The following ALDH1L2 variants were observed in gnomAD, a reference collection of about 807,000 sequenced individuals.
ALDH1L2 encodes the protein mitochondrial 10-formyltetrahydrofolate dehydrogenase.
In ALDH1L2, 91 loss-of-function variants were observed where a neutral mutation model predicts 111.0. That is an observed-to-expected ratio of 0.82 (90% CI 0.69 to 0.98). The LOEUF is 0.98. Ranked by LOEUF, ALDH1L2 falls within the 50% of genes least tolerant of loss-of-function variation. The pLI is 0.00. For missense variants in ALDH1L2, 995 were observed against 1,126.8 expected (o/e 0.88, Z 1.67); for synonymous variants, 374 against 392.6 (o/e 0.95, Z 0.56).
Position 105,038,301 on chromosome 12 carries a change from C to A in ALDH1L2, c.2046-99G>T, listed in dbSNP as rs911255857. On this transcript the variant is annotated intron_variant, in intron 17 of 22. Transcript: ENST00000258494. ...ACAAACACACACACACACACACACA[C>A]ACACACACACACACACACACACTTT... is the stretch of plus-strand genomic sequence containing the variant. 2.5e-4 allele frequency: 161 copies of A among 651,462 alleles called. 1 individual carries two copies. The highest frequency in any genetic ancestry group is 8.2e-4 in the Middle Eastern group (3 of 3,644). The allele number at this position is 651,462 out of a possible 1,614,324, so 40.4% of individuals were successfully genotyped here.
intron 17 of ALDH1L2, among the ~76,000 whole-genome samples, 164 bp downstream of exon 17, chr12:105,039,549 A>G (rs568066345): frequency 1.3e-5 from 2 of 152,316 alleles, no homozygotes; most frequent in East Asian, 1.9e-4. Flanking sequence ...AATGCTTTGG[A>G]AAGTATTTTA....
rs1283464539 is a variant in ALDH1L2 at position 105,019,967 on chromosome 12, A to G, written c.*4457T>C. The stretch of plus-strand genomic sequence containing the variant: ...AGGCTATTTCTGTTTGAAAATAACC[A>G]AATAGATTTTTGGGTTGACTCAACA... On this transcript the variant is annotated 3_prime_UTR_variant, in exon 23 of 23. Coordinates refer to ENST00000258494, the MANE Select transcript of ALDH1L2 (RefSeq NM_001034173.4). 1 of 152,254 alleles carries G rather than the reference A, an allele frequency of 6.6e-6. No individual in the cohort carries two copies. Among genetic ancestry groups the G allele is most frequent in the Non-Finnish European group, 1.5e-5 (1 of 68,054 alleles). 9.4% of individuals were successfully genotyped at this position (152,254 alleles called of 1,614,324 possible).
chr12:105,066,204 C>G (rs773011555), intron 5 of ALDH1L2, among the ~76,000 whole-genome samples: 24 of 152,230 alleles, frequency 1.6e-4, no homozygotes, highest in Middle Eastern at 3.4e-3. Flanking sequence ...AACTGCAGAG[C>G]GAAGGATTGT....
At chr12:105,058,976 A>G (rs957390690) in intron 9 of ALDH1L2, among the ~76,000 whole-genome samples, 3 of 152,030 alleles carry the variant, frequency 2.0e-5, no homozygotes, top group Non-Finnish European at 4.4e-5. Flanking sequence ...AAGTATTAAT[A>G]ATACAGTACT....
Position 105,040,125 on chromosome 12 carries a change from CAAAAA to C in ALDH1L2, c.1952-324_1952-320del, listed in dbSNP as rs11284250. ...GGGGCAACAGAGTGAGACTCCGTCT[CAAAAA>C]AAAAAAAAAAAAAAAAAAAAAACCT... On this transcript the variant is annotated intron_variant, in intron 16 of 22. Transcript: ENST00000258494. Among the ~76,000 whole-genome samples the C allele has an allele frequency of 1.4e-4, 8 of 59,078 alleles. No homozygotes were observed. The East Asian group carries it at 1.9e-3, about 14-fold the overall frequency. 38.8% of individuals were successfully genotyped at this position (59,078 alleles called of 152,430 possible).
intron 2 of ALDH1L2, among the ~76,000 whole-genome samples, chr12:105,071,189 T>C (rs1877663076): frequency 6.6e-6 from 1 of 152,200 alleles, no homozygotes; most frequent in South Asian, 2.1e-4. Flanking sequence ...CTGGCACAGC[T>C]AGAAAGCCAT....
At chr12:105,069,912 G>A (rs911885894) in intron 3 of ALDH1L2, among the ~76,000 whole-genome samples, 2 of 152,150 alleles carry the variant, frequency 1.3e-5, no homozygotes, top group African/African-American at 2.4e-5. Flanking sequence ...GCTTAGAGTT[G>A]AATGGGGAAG....
At position 105,031,919 on chromosome 12, in the gene ALDH1L2, T is replaced by C; in HGVS notation, c.2260A>G (p.Lys754Glu). ...TCAAGTGGATCACCAATTTTCATCT[T>C]TTTAATTTCTTCTACCTGTATGTTA... ...FVTRVVEEIK[K>E]MKIGDPLDRS... Residue 754 changes from lysine to glutamate, a missense_variant, in exon 20 of 23, where the codon AAG becomes GAG. By Grantham distance (56) the Lys-to-Glu change is moderately conservative (BLOSUM62 1). Transcript: ENST00000258494. 6.2e-7 allele frequency: 1 copy of C among 1,614,114 alleles called. No individual in the cohort carries two copies. Among genetic ancestry groups the C allele is most frequent in the Non-Finnish European group, 8.5e-7 (1 of 1,180,002 alleles).
intron 10 of ALDH1L2, 52 bp downstream of exon 10, chr12:105,058,021 A>G (rs1267054440): frequency 6.4e-7 from 1 of 1,556,112 alleles, no homozygotes; most frequent in Non-Finnish European, 8.6e-7. Context: ...GCAGTCTTTT[A>G]TAGTGTATGG....
intron 22 of ALDH1L2, among the ~76,000 whole-genome samples, 188 bp from the exon 23 acceptor site, chr12:105,024,667 A>T (rs1874328863): frequency 6.6e-6 from 1 of 152,198 alleles, no homozygotes; most frequent in Non-Finnish European, 1.5e-5. Flanking sequence ...GCAGATCCTG[A>T]TCTGATTAAG....
Position 105,038,299 on chromosome 12 carries a change from C to A in ALDH1L2, c.2046-97G>T, listed in dbSNP as rs866062755. ...ACACAAACACACACACACACACACACACACACACACACACACACACACACT... is the reference window on the plus strand; with the variant it reads ...ACACAAACACACACACACACACACAAACACACACACACACACACACACACT... On this transcript the variant is annotated intron_variant, in intron 17 of 22. Transcript: ENST00000258494. The A allele has an allele frequency of 3.6e-3, 2,249 of 625,394 alleles. 9 individuals are homozygous for A. Among genetic ancestry groups the A allele is most frequent in the African/African-American group, 5.9e-3 (312 of 52,860 alleles). 38.7% of individuals were successfully genotyped at this position (625,394 alleles called of 1,614,324 possible).
At chr12:105,081,056 T>C (rs972677597) in intron 1 of ALDH1L2, among the ~76,000 whole-genome samples, 1 of 152,240 alleles carries the variant, frequency 6.6e-6, no homozygotes, top group Non-Finnish European at 1.5e-5. Context: ...TTCATTATTA[T>C]AAGTTATCTA....
In ALDH1L2 at chr12:105,073,914, C is replaced by T. The variant is rs201994484; in HGVS notation, c.140G>A (p.Arg47Gln). ...TGGAACTGTGAACACCCCTACTACT[C>T]GGTGGCCCTCTTTGCGGAGGTGGCT... ...VYSHLRKEGHRVVGVFTVPDK... is the reference protein window; with the variant it reads ...VYSHLRKEGHQVVGVFTVPDK... The change falls in exon 2 of 23, where the codon CGA (arginine) becomes CAA (glutamine). Residue 47 changes from arginine (R) to glutamine (Q), a missense_variant. By Grantham distance (43) the Arg-to-Gln change is conservative (BLOSUM62 1). Transcript: ENST00000258494. 135 of 1,614,146 alleles carry T rather than the reference C, an allele frequency of 8.4e-5. 2 individuals carry two copies. In the East Asian group the frequency reaches 2.5e-3, roughly 30 times the overall value.
At chr12:105,026,799 T>C in intron 21 of ALDH1L2, 55 bp from the exon 22 acceptor site, 1 of 1,588,938 alleles carries the variant, frequency 6.3e-7, no homozygotes, top group African/African-American at 1.4e-5. Context: ...AAGACTCATT[T>C]TATGTTCTGA....
Position 105,062,849 on chromosome 12 carries a change from C to A in ALDH1L2, c.921+39G>T, listed in dbSNP as rs889219314. 55 of 1,590,180 alleles carry A rather than the reference C, an allele frequency of 3.5e-5. No individual in the cohort carries two copies. The African/African-American group carries it at 5.7e-4, about 17-fold the overall frequency. On this transcript the variant is annotated intron_variant, in intron 7 of 22. Transcript: ENST00000258494. Reference sequence around the variant, plus strand: ...AATAGCTTGGGTTATAGAAGAAAATCAAAAGGTTATTTCATAGGCAGCCAT... The same window carrying A: ...AATAGCTTGGGTTATAGAAGAAAATAAAAAGGTTATTTCATAGGCAGCCAT...
chr12:105,084,013 G>A (rs1479154134), intron 1 of ALDH1L2, among the ~76,000 whole-genome samples: 1 of 152,120 alleles, frequency 6.6e-6, no homozygotes, highest in Non-Finnish European at 1.5e-5. Flanking sequence ...GTTCCATATG[G>A]CTCCAGCTCT....
chr12:105,048,020 C>G (rs1033693145), intron 13 of ALDH1L2: 5 of 152,164 alleles, frequency 3.3e-5, no homozygotes, highest in African/African-American at 4.8e-5. Context: ...AAACAATTTT[C>G]AGGTTTCAGA....
intron 15 of ALDH1L2, among the ~76,000 whole-genome samples, chr12:105,043,594 T>C (rs1875670775): frequency 6.6e-6 from 1 of 152,238 alleles, no homozygotes; most frequent in African/African-American, 2.4e-5. Flanking sequence ...CCATCATAAT[T>C]AGAAAGATGT....
rs756797827 is a variant in ALDH1L2, at chr12:105,052,127, T to G, written c.1498A>C (p.Arg500=). 18 of 1,611,106 alleles carry G rather than the reference T, an allele frequency of 1.1e-5. No homozygotes were observed. Among genetic ancestry groups the G allele is most frequent in the Non-Finnish European group, 1.4e-5 (16 of 1,178,564 alleles). ...KDAFENGEWG[R]MNARERGRLM... is the part of the protein sequence containing the mutation. Reference sequence around the variant, plus strand: ...CTTCCTCTTTCTCTTGCATTCATTCTTCCCCATTCACCGTTTTCAAAAGCA... The same window carrying G: ...CTTCCTCTTTCTCTTGCATTCATTCGTCCCCATTCACCGTTTTCAAAAGCA... The change falls in exon 12 of 23, where the codon AGA becomes CGA. Residue 500 remains arginine, a synonymous_variant. Transcript: ENST00000258494.
Sources: allele counts gnomAD v4.1 joint callset (sites outside exome capture counted in the v4.1 genomes callset), GRCh38; gene constraint gnomAD v4.1.1; transcripts MANE v1.5; gene names NCBI Gene and HGNC (gene_info 2026-07-23, HGNC 2026-07-21).